Variants in GAREM2 observed in about 807,000 individuals in gnomAD.
The protein encoded by GAREM2 is GRB2-associated and regulator of MAPK protein 2.
In GAREM2, 30 loss-of-function variants were observed where a neutral mutation model predicts 55.6. That is an observed-to-expected ratio of 0.54 (90% CI 0.40 to 0.73). GAREM2 has a LOEUF of 0.73. Ranked by LOEUF, GAREM2 falls within the 30% of genes least tolerant of loss-of-function variation. GAREM2 has a pLI of 0.00. For missense variants in GAREM2, 1,075 were observed against 1,257.7 expected (o/e 0.85, Z 2.20); for synonymous variants, 550 against 569.1 (o/e 0.97, Z 0.48).
intron 2 of GAREM2, among the ~76,000 whole-genome samples, chr2:26,178,919 G>A (rs1193963077): frequency 6.1e-5 from 2 of 32,854 alleles, no homozygotes; most frequent in Non-Finnish European, 1.1e-4. Context: ...GAGGCCCCTA[G>A]GAGGGCGAAG....
chr2:26,191,159 A>G, downstream of GAREM2: 1 of 1,332,726 alleles, frequency 7.5e-7, no homozygotes, highest in African/African-American at 1.4e-5. Context: ...TCTTCTCGTT[A>G]CTCTGATAAA....
Position 26,185,245 on chromosome 2 carries a change from C to T in GAREM2, c.1397C>T (p.Pro466Leu). The change falls in exon 4 of 6, where the codon CCG becomes CTG. Residue 466 changes from proline (P) to leucine (L), a missense_variant. Physicochemically the swap from Pro to Leu is moderately conservative, Grantham distance 98 (BLOSUM62 -3). Transcript: ENST00000401533. ...AGPPRREPEA[P>L]PPPVPPKSEA... The stretch of plus-strand genomic sequence containing the variant: ...CCGCCGCGTCGGGAGCCGGAAGCGC[C>T]GCCGCCTCCAGTCCCTCCCAAATCC... 1 of 1,521,270 alleles carries T rather than the reference C, an allele frequency of 6.6e-7. No individual in the cohort carries two copies. The highest frequency in any genetic ancestry group is 8.8e-7 in the Non-Finnish European group (1 of 1,141,236). The allele number at this position is 1,521,270 out of a possible 1,614,324, so 94.2% of individuals were successfully genotyped here.
At position 26,176,916 on chromosome 2, in the gene GAREM2, A is replaced by C. The variant is rs1668882741; in HGVS notation, c.253+432A>C. Reference sequence around the variant, plus strand: ...ATGCCCAAGCTGGTTACATGGCTGCACCTCTCCGCGCTGATCCTGTTTTTC... The same window carrying C: ...ATGCCCAAGCTGGTTACATGGCTGCCCCTCTCCGCGCTGATCCTGTTTTTC... On this transcript the variant is annotated intron_variant, in intron 2 of 5. Transcript: ENST00000401533. Among the ~76,000 whole-genome samples, 3 of 152,216 alleles carry C rather than the reference A, an allele frequency of 2.0e-5. No homozygotes were observed. The South Asian group carries it at 6.2e-4, about 32-fold the overall frequency.
chr2:26,192,307 T>TA (rs1350481102), downstream of GAREM2: 1 of 1,490,056 alleles, frequency 6.7e-7, no homozygotes, highest in African/African-American at 1.4e-5. Context: ...CAAACGGACT[T>TA]ACACTTCAGA....
the GAREM2 span, among the ~76,000 whole-genome samples, chr2:26,202,269 C>A: frequency 2.0e-5 from 3 of 152,174 alleles, no homozygotes; most frequent in Admixed American, 6.5e-5. Context: ...AGACATTCAA[C>A]TGATTATTTT....
intron 2 of GAREM2, among the ~76,000 whole-genome samples, chr2:26,178,420 C>A (rs1276395415): frequency 6.6e-6 from 1 of 151,630 alleles, no homozygotes; most frequent in African/African-American, 2.4e-5. Context: ...ACCCCCCCCC[C>A]CAACAACAAA....
intron 1 of GAREM2, among the ~76,000 whole-genome samples, chr2:26,175,740 C>G (rs1449981921): frequency 6.6e-6 from 1 of 152,194 alleles, no homozygotes; most frequent in Non-Finnish European, 1.5e-5. Context: ...CTGAGCGACC[C>G]GTGGCTCTGG....
Position 26,184,938 on chromosome 2 carries a change from G to T in GAREM2, c.1090G>T (p.Ala364Ser). Residue 364 changes from alanine (A) to serine (S), a missense_variant, in exon 4 of 6, where the codon GCG becomes TCG. Transcript: ENST00000401533. ...CGAGTACTCCACGGCCGTGCGCGAG[G>T]CGCCAGCGGAGCTCGCCGAAGACTG... ...PDEYSTAVRE[A>S]PAELAEDCAS... 1 of 1,294,986 alleles carries T rather than the reference G, an allele frequency of 7.7e-7. No individual in the cohort carries two copies. The highest frequency in any genetic ancestry group is 9.8e-7 in the Non-Finnish European group (1 of 1,023,386). 80.2% of individuals were successfully genotyped at this position (1,294,986 alleles called of 1,614,324 possible).
At chr2:26,183,581 C>T (rs1300557327) in intron 3 of GAREM2, among the ~76,000 whole-genome samples, 2 of 152,132 alleles carry the variant, frequency 1.3e-5, no homozygotes, top group Non-Finnish European at 2.9e-5. Context: ...AAAAAATTAG[C>T]TGGGCATAGT....
chr2:26,194,359 GCTGTGGGGCAGAGGGAAAGCT>G (rs1669601371), downstream of GAREM2, among the ~76,000 whole-genome samples: 1 of 152,172 alleles, frequency 6.6e-6, no homozygotes, highest in South Asian at 2.1e-4. Context: ...CAGTGAGGAG[GCTGTGGGGCAGAGGGAAAGCT>G]CTGCCCCTTT....
In GAREM2 at chr2:26,173,323, CT is replaced by C; in HGVS notation, c.105del (p.Pro37GlnfsTer25). ...CTGCCGCCTGCCCACGCTCGCCTGCCTTGGGCCAGGTACCGGGGTCGCTGGA... is the reference window on the plus strand; with the variant it reads ...CTGCCGCCTGCCCACGCTCGCCTGCCTGGGCCAGGTACCGGGGTCGCTGGA... The part of the protein sequence containing the change: ...SRCRLPTLAC[L>X]GPGEYAEGVS... On this transcript the variant is annotated frameshift_variant, in exon 1 of 6. Transcript: ENST00000401533. LOFTEE classifies it high-confidence loss of function. 1 of 1,399,104 alleles carries C rather than the reference CT, an allele frequency of 7.1e-7. No individual in the cohort carries two copies. The allele number at this position is 1,399,104 out of a possible 1,614,324, so 86.7% of individuals were successfully genotyped here.
rs1669173551 is a variant in GAREM2 at position 26,184,776 on chromosome 2, C to T, written c.928C>T (p.Pro310Ser). The change falls in exon 4 of 6, where the codon CCG becomes TCG. Residue 310 changes from proline (P) to serine (S), a missense_variant. Coordinates refer to ENST00000401533, the MANE Select transcript of GAREM2 (RefSeq NM_001168241.2). ...GGGGCTGGCGCTGCGCCGCGAGGGC[C>T]CGGCGCCGCTGCACTTCCTGCTGCT... Reference protein sequence around the residue: ...VLGLALRREGPAPLHFLLLTD... With the variant: ...VLGLALRREGSAPLHFLLLTD... 1 of 1,496,078 alleles carries T rather than the reference C, an allele frequency of 6.7e-7. No homozygotes were observed. Among genetic ancestry groups the T allele is most frequent in the Non-Finnish European group, 8.9e-7 (1 of 1,128,874 alleles). 92.7% of individuals were successfully genotyped at this position (1,496,078 alleles called of 1,614,324 possible).
chr2:26,185,162 C>T lies in GAREM2; in HGVS notation c.1314C>T (p.Pro438=), dbSNP rs1438763741. The T allele has an allele frequency of 2.7e-6, 4 of 1,505,986 alleles. No homozygotes were observed. The East Asian group carries it at 8.2e-5, about 31-fold the overall frequency. 93.3% of individuals were successfully genotyped at this position (1,505,986 alleles called of 1,614,324 possible). A position where few individuals can be genotyped will look rare whatever the true frequency, so the allele number is the denominator to read the frequency against. ...AGGAGTTGTGGGCGCACCAGGGGCC[C>T]GAGGGCCTCGTCCGGCCGCCCCCAG... ...PYEELWAHQG[P]EGLVRPPPGL... is the part of the protein sequence containing the mutation. Residue 438 remains proline (P), a synonymous_variant, in exon 4 of 6, where the codon CCC becomes CCT. Transcript: ENST00000401533.
At chr2:26,181,895 C>A in intron 2 of GAREM2, 1 of 515,280 alleles carries the variant, frequency 1.9e-6, no homozygotes, top group Non-Finnish European at 2.5e-6. Flanking sequence ...AGGAGGATCC[C>A]TTGAGCCCAG....
At chr2:26,180,925 C>A in intron 2 of GAREM2, 1 of 985,470 alleles carries the variant, frequency 1.0e-6, no homozygotes, top group Non-Finnish European at 1.2e-6. Flanking sequence ...CCTGCCATCT[C>A]CATTTCTGAC....
chr2:26,198,012 A>G, the GAREM2 span, among the ~76,000 whole-genome samples: 7 of 152,200 alleles, frequency 4.6e-5, no homozygotes, highest in African/African-American at 1.7e-4. Flanking sequence ...GCCCATCATA[A>G]GGTCACCTTA....
rs1669194724 is a variant in GAREM2, at chr2:26,185,046, G to T, written c.1198G>T (p.Ala400Ser). Reference protein sequence around the residue: ...LARAPGPLAPAPAGEGDQEYV... With the variant: ...LARAPGPLAPSPAGEGDQEYV... ...CCGCGCCCCCGGCCCGCTAGCGCCG[G>T]CTCCCGCCGGCGAGGGCGACCAGGA... is the stretch of plus-strand genomic sequence containing the variant. The change falls in exon 4 of 6, where the codon GCT (alanine) becomes TCT (serine). Residue 400 changes from alanine to serine, a missense_variant. Physicochemically the swap from Ala to Ser is moderately conservative, Grantham distance 99. This residue lies in a region of GAREM2 where 515 missense variants were observed against 501.5 expected (regional missense o/e 1.03). Coordinates refer to ENST00000401533, the MANE Select transcript of GAREM2 (RefSeq NM_001168241.2). 8.2e-7 allele frequency: 1 copy of T among 1,213,344 alleles called. No individual in the cohort carries two copies. Among genetic ancestry groups the T allele is most frequent in the Non-Finnish European group, 1.0e-6 (1 of 975,500 alleles). 75.2% of individuals were successfully genotyped at this position (1,213,344 alleles called of 1,614,324 possible).
intron 4 of GAREM2, among the ~76,000 whole-genome samples, chr2:26,185,962 G>C (rs889078253): frequency 2.0e-5 from 3 of 152,174 alleles, no homozygotes; most frequent in African/African-American, 7.2e-5. Context: ...CAAGGAACAG[G>C]AAGGAGGCTG....
downstream of GAREM2, chr2:26,192,340 G>A (rs747135935): frequency 3.7e-6 from 6 of 1,602,350 alleles, no homozygotes; most frequent in Non-Finnish European, 5.1e-6. Context: ...CTTCAGACTC[G>A]CTAAAATACT....
Sources: allele counts gnomAD v4.1 joint callset (sites outside exome capture counted in the v4.1 genomes callset), GRCh38; gene constraint gnomAD v4.1.1; regional missense constraint gnomAD v4.1.1; transcripts MANE v1.5; gene names NCBI Gene and HGNC (gene_info 2026-07-23, HGNC 2026-07-21).